The following NREP variants were observed in gnomAD, a reference collection of about 807,000 sequenced individuals.
NREP encodes neuronal regeneration related protein.
A neutral mutation model predicts 8.6 loss-of-function variants in NREP; 5 were observed. That is an observed-to-expected ratio of 0.58 (90% CI 0.30 to 1.22). NREP has a LOEUF of 1.22. Ranked by LOEUF, NREP falls within the 50% of genes most tolerant of loss-of-function variation. The pLI is 0.07. For missense variants in NREP, 86 were observed against 82.5 expected (o/e 1.04, Z -0.17); for synonymous variants, 27 against 28.0 (o/e 0.96, Z 0.11).
intron 2 of NREP, among the ~76,000 whole-genome samples, chr5:111,802,339 A>T (rs912930332): frequency 2.0e-5 from 3 of 152,208 alleles, no homozygotes; most frequent in Non-Finnish European, 2.9e-5. Flanking sequence ...TTAGGCAAAA[A>T]AAAGTAGGTG....
intron 2 of NREP, among the ~76,000 whole-genome samples, chr5:111,933,321 G>C (rs978623790): frequency 2.6e-5 from 4 of 152,028 alleles, no homozygotes; most frequent in African/African-American, 9.7e-5. Flanking sequence ...TCCTTAGTCA[G>C]TATCCTTAGT....
intron 2 of NREP, among the ~76,000 whole-genome samples, chr5:111,862,341 G>T (rs771990075): frequency 1.3e-5 from 2 of 152,158 alleles, no homozygotes; most frequent in Non-Finnish European, 2.9e-5. Flanking sequence ...ATGTCAGATA[G>T]CAGGGAAGCC....
Position 111,730,866 on chromosome 5 carries a change from C to T in NREP, c.*55G>A. 1.3e-6 allele frequency: 2 copies of T among 1,592,724 alleles called. No individual in the cohort carries two copies. The highest frequency in any genetic ancestry group is 1.7e-6 in the Non-Finnish European group (2 of 1,163,980). ...ACAGAAAAAAATCCCATATATGATA[C>T]CATGACCTCATCAATACCCATACAC... On this transcript the variant is annotated 3_prime_UTR_variant, in exon 4 of 4. Transcript: ENST00000257435.
intron 2 of NREP, among the ~76,000 whole-genome samples, chr5:111,934,910 A>T (rs939921407): frequency 6.7e-6 from 1 of 149,674 alleles, no homozygotes; most frequent in African/African-American, 2.4e-5. Flanking sequence ...ACAGAGCCAG[A>T]TGCTGCTTTG....
chr5:111,734,201 G>C (rs1748885058), intron 3 of NREP: 1 of 152,878 alleles, frequency 6.5e-6, no homozygotes, highest in African/African-American at 2.4e-5. Context: ...ATCAAAGAGA[G>C]AGGACCTCTG....
intron 2 of NREP, among the ~76,000 whole-genome samples, chr5:111,812,778 T>C (rs1156512385): frequency 6.6e-6 from 1 of 152,168 alleles, no homozygotes; most frequent in Non-Finnish European, 1.5e-5. Context: ...CTGTTATCAT[T>C]AGTTATTATA....
intron 2 of NREP, among the ~76,000 whole-genome samples, chr5:111,744,423 C>CT (rs1160294358): frequency 3.3e-5 from 5 of 151,516 alleles, no homozygotes; most frequent in African/African-American, 4.8e-5. Flanking sequence ...AGAATTCTGA[C>CT]TTTTTTTTAA....
chr5:111,735,678 C>A (rs1023502122), intron 2 of NREP, among the ~76,000 whole-genome samples, 171 bp from the exon 3 acceptor site: 1 of 152,222 alleles, frequency 6.6e-6, no homozygotes, highest in Admixed American at 6.5e-5. Context: ...TGCTTCTGAA[C>A]ACGCACTGCA....
intron 2 of NREP, among the ~76,000 whole-genome samples, chr5:111,935,390 C>G (rs1755655263): frequency 6.6e-6 from 1 of 152,052 alleles, no homozygotes; most frequent in Non-Finnish European, 1.5e-5. Context: ...AACAGGAAAT[C>G]TAAGCTTTGA....
intron 2 of NREP, among the ~76,000 whole-genome samples, chr5:111,875,008 A>G (rs1255390858): frequency 6.6e-6 from 1 of 152,204 alleles, no homozygotes; most frequent in South Asian, 2.1e-4. Context: ...CCAGTCACTC[A>G]TCTTTTGAAC....
Position 111,741,212 on chromosome 5 carries a change from C to G in NREP, c.4-5705G>C, listed in dbSNP as rs555314352. ...CCGACTAGGGCAGCACGGGTCCAAC[C>G]TGTATAATCAATTCTTTCTGCAGCA... On this transcript the variant is annotated intron_variant, in intron 2 of 3. Transcript: ENST00000257435. Among the ~76,000 whole-genome samples, 3 of 152,266 alleles carry G rather than the reference C, an allele frequency of 2.0e-5. No individual in the cohort carries two copies. The South Asian group carries it at 6.2e-4, about 32-fold the overall frequency.
At chr5:111,792,163 T>C (rs1434771840) in intron 2 of NREP, among the ~76,000 whole-genome samples, 1 of 152,242 alleles carries the variant, frequency 6.6e-6, no homozygotes, top group African/African-American at 2.4e-5. Flanking sequence ...AATTCACATA[T>C]AATTGATAGC....
intron 2 of NREP, among the ~76,000 whole-genome samples, chr5:111,844,495 A>G (rs1407811209): frequency 6.6e-6 from 1 of 151,314 alleles, no homozygotes; most frequent in Non-Finnish European, 1.5e-5. Context: ...CATTTGTTCT[A>G]TCTGGATAAA....
intron 2 of NREP, among the ~76,000 whole-genome samples, chr5:111,948,690 T>G (rs1238811140): frequency 6.6e-6 from 1 of 152,172 alleles, no homozygotes; most frequent in South Asian, 2.1e-4. Context: ...TCCTGCCCTA[T>G]CAGTCTGTCA....
chr5:111,950,385 C>A (rs1321290712), intron 2 of NREP, among the ~76,000 whole-genome samples: 1 of 152,076 alleles, frequency 6.6e-6, no homozygotes, highest in Non-Finnish European at 1.5e-5. Context: ...AAACCTTATA[C>A]AAAAATTAAC....
intron 2 of NREP, among the ~76,000 whole-genome samples, chr5:111,750,761 G>C (rs1045804609): frequency 1.3e-5 from 2 of 152,196 alleles, no homozygotes; most frequent in Non-Finnish European, 2.9e-5. Flanking sequence ...TTGGGTCCAG[G>C]CTGCAGGAAA....
At position 111,752,442 on chromosome 5, in the gene NREP, A is replaced by G. The variant is rs377294175; in HGVS notation, c.3+3328T>C. ...TTAGGTACTCTTCAGCATCTCCACA[A>G]TCAAGAGTCACTGAGCAACTGGTAT... On this transcript the variant is annotated intron_variant, in intron 2 of 3. Transcript: ENST00000257435. Among the ~76,000 whole-genome samples the G allele has an allele frequency of 2.0e-5, 3 of 152,340 alleles. No homozygotes were observed. In the East Asian group the frequency reaches 5.8e-4, roughly 29 times the overall value.
At chr5:111,796,209 C>A (rs1022872529) in intron 2 of NREP, among the ~76,000 whole-genome samples, 1 of 152,160 alleles carries the variant, frequency 6.6e-6, no homozygotes, top group African/African-American at 2.4e-5. Context: ...ATTTCTCAGT[C>A]TCTCTTTCCT....
intron 2 of NREP, among the ~76,000 whole-genome samples, chr5:111,912,091 T>C (rs192790404): frequency 1.0e-3 from 153 of 152,260 alleles, no homozygotes; most frequent in Admixed American, 5.1e-3. Context: ...GCAAATTTTA[T>C]GCTAGAATAT....
Sources: gnomAD v4.1 joint callset for allele counts (sites outside exome capture counted in the v4.1 genomes callset) on GRCh38, gnomAD v4.1.1 for gene constraint, MANE v1.5 for transcripts, NCBI Gene and HGNC (gene_info 2026-07-23, HGNC 2026-07-21) for gene names.